The following CLGN variants were observed in gnomAD, a reference collection of about 807,000 sequenced individuals.
CLGN encodes testis tissue sperm-binding protein Li 79P.
Under a neutral mutation model 79.1 loss-of-function variants are expected in CLGN, and 62 were observed. That is an observed-to-expected ratio of 0.78 (90% CI 0.64 to 0.97). The LOEUF (loss-of-function observed/expected upper bound fraction) is 0.97, where lower values mean the gene tolerates loss of function less well. CLGN is among the 50% of genes least tolerant of loss of function. CLGN has a pLI of 0.00. For synonymous variants in CLGN, 225 were observed against 224.7 expected (o/e 1.00, Z -0.01); for missense variants, 647 against 715.5 (o/e 0.90, Z 1.09).
chr4:140,395,155 T>G (rs1216559454), intron 10 of CLGN, among the ~76,000 whole-genome samples: 1 of 90,170 alleles, frequency 1.1e-5, no homozygotes, highest in Non-Finnish European at 3.0e-5. Flanking sequence ...TTTTTTGTTT[T>G]TTTGTTTTTT....
chr4:140,418,958 G>A (rs943716920), intron 1 of CLGN, among the ~76,000 whole-genome samples: 7 of 152,144 alleles, frequency 4.6e-5, no homozygotes, highest in Admixed American at 6.5e-5. Flanking sequence ...CAACCCAAAT[G>A]TCCAACAATG....
rs1167371823 is a variant in CLGN, at chr4:140,392,354, T to A, written c.1516A>T (p.Lys506Ter). The A allele has an allele frequency of 1.9e-6, 3 of 1,606,080 alleles. No homozygotes were observed. Among genetic ancestry groups the A allele is most frequent in the Non-Finnish European group, 2.5e-6 (3 of 1,177,448 alleles). Residue 506 changes from lysine (K) to a stop codon, truncating the protein, a stop_gained, in exon 13 of 15, where the codon AAA (lysine) becomes TAA (stop). Transcript: ENST00000325617. LOFTEE classifies it high-confidence loss of function. ...TGTGGTATACATATGTCGGTTTTTT[T>A]ATACTCTGTATCTTTATGTTTTTTC... ...VKKKHKDTEY[K>*]KTDICIPQTK... is the part of the protein sequence containing the mutation.
intron 4 of CLGN, among the ~76,000 whole-genome samples, chr4:140,409,009 G>A (rs890184306): frequency 1.4e-4 from 22 of 151,796 alleles, no homozygotes; most frequent in African/African-American, 4.8e-4. Context: ...TGCAAAGGAA[G>A]ACATGCAGGT....
At position 140,408,067 on chromosome 4, in the gene CLGN, A is replaced by G. The variant is rs1251862958; in HGVS notation, c.277+1770T>C. On this transcript the variant is annotated intron_variant, in intron 4 of 14. Coordinates refer to ENST00000325617, the MANE Select transcript of CLGN (RefSeq NM_004362.3). ...GATCTTTGACCAAGCATACAAAAAT[A>G]TAAATTAGGGAAAGGACACCCTATT... Among the ~76,000 whole-genome samples the G allele has an allele frequency of 2.6e-5, 4 of 152,156 alleles. No individual in the cohort carries two copies. In the East Asian group the frequency reaches 5.8e-4, roughly 22 times the overall value.
intron 6 of CLGN, among the ~76,000 whole-genome samples, chr4:140,401,318 C>T (rs188871384): frequency 1.3e-5 from 2 of 152,228 alleles, no homozygotes; most frequent in Admixed American, 1.3e-4. Flanking sequence ...CTCCAATGGC[C>T]TCTCCTTCAC....
intron 5 of CLGN, among the ~76,000 whole-genome samples, chr4:140,404,187 G>A (rs1226367099): frequency 6.6e-6 from 1 of 151,706 alleles, no homozygotes; most frequent in East Asian, 1.9e-4. Context: ...CCTGCCTCCC[G>A]GGTTCACGCC....
In CLGN at chr4:140,398,973, T is replaced by C; in HGVS notation, c.762A>G (p.Leu254=). 6.2e-7 allele frequency: 1 copy of C among 1,613,924 alleles called. No homozygotes were observed. Among genetic ancestry groups the C allele is most frequent in the African/African-American group, 1.3e-5 (1 of 75,038 alleles). The change falls in exon 8 of 15, where the codon CTA becomes CTG. Residue 254 remains leucine (L), a synonymous_variant. Transcript: ENST00000325617. ...GTTTGATAGGAGGAACCACATCCTC[T>C]AGGAGGCTTCCTTTGTTTACAACTG... The part of the protein sequence containing the change: ...DQTVVNKGSL[L]EDVVPPIKPP...
In CLGN at chr4:140,412,271, A is replaced by C. The variant is rs551396598; in HGVS notation, c.144+664T>G. 2.0e-5 allele frequency among the ~76,000 whole-genome samples: 3 copies of C among 152,280 alleles called. No homozygotes were observed. In the East Asian group the frequency reaches 5.8e-4, roughly 29 times the overall value. On this transcript the variant is annotated intron_variant, in intron 2 of 14. Transcript: ENST00000325617. Reference sequence around the variant, plus strand: ...TACATATTATTCCCTTCGGCCCTTCAAACAGTAGCTGGCAGAATACAATTA... The same window carrying C: ...TACATATTATTCCCTTCGGCCCTTCCAACAGTAGCTGGCAGAATACAATTA...
intron 4 of CLGN, among the ~76,000 whole-genome samples, chr4:140,407,190 G>A (rs1421663347): frequency 6.6e-6 from 1 of 151,610 alleles, no homozygotes; most frequent in Non-Finnish European, 1.5e-5. Context: ...ATATTTTTTT[G>A]AAAAAGATTA....
At chr4:140,404,095 AT>A (rs1322531069) in intron 5 of CLGN, among the ~76,000 whole-genome samples, 8 of 148,414 alleles carry the variant, frequency 5.4e-5, no homozygotes, top group East Asian at 2.0e-4. Flanking sequence ...TTATTTATTT[AT>A]TTTTTTTTTG....
In CLGN at chr4:140,418,846, T is replaced by C. The variant is rs1729400708; in HGVS notation, c.-9-5759A>G. On this transcript the variant is annotated intron_variant, in intron 1 of 14. Transcript: ENST00000325617. ...AATACCATTTGACCCAGCCATCCCA[T>C]TACTGGGTATATACCCAAAGGACTC... Among the ~76,000 whole-genome samples the C allele has an allele frequency of 3.3e-5, 5 of 152,166 alleles. No individual in the cohort carries two copies. The South Asian group carries it at 1.0e-3, about 32-fold the overall frequency.
At chr4:140,420,881 CATT>C (rs1729457075) in intron 1 of CLGN, among the ~76,000 whole-genome samples, 1 of 152,118 alleles carries the variant, frequency 6.6e-6, no homozygotes, top group African/African-American at 2.4e-5. Context: ...AAAACATTCT[CATT>C]GTTGTACAAC....
At chr4:140,422,971 T>G (rs1729499406) in intron 1 of CLGN, among the ~76,000 whole-genome samples, 1 of 152,218 alleles carries the variant, frequency 6.6e-6, no homozygotes, top group African/African-American at 2.4e-5. Context: ...TCTTTAGGGT[T>G]TTGTACATAC....
At position 140,395,909 on chromosome 4, in the gene CLGN, A is replaced by G; in HGVS notation, c.1059T>C (p.Ile353=). Residue 353 remains isoleucine (I), a synonymous_variant, in exon 10 of 15, where the codon ATT becomes ATC. Transcript: ENST00000325617. Reference sequence around the variant, plus strand: ...TGGGAGGTTTCCACTCACCACACCCAATCCGACATGCTGGATTAAGAATCT... The same window carrying G: ...TGGGAGGTTTCCACTCACCACACCCGATCCGACATGCTGGATTAAGAATCT... ...APQILNPACR[I]GCGEWKPPMI... 6.2e-7 allele frequency: 1 copy of G among 1,606,254 alleles called. No homozygotes were observed. Among genetic ancestry groups the G allele is most frequent in the Non-Finnish European group, 8.5e-7 (1 of 1,177,300 alleles).
In CLGN at chr4:140,413,047, C is replaced by G. The variant is rs1385328399; in HGVS notation, c.32G>C (p.Gly11Ala). 5 of 1,612,604 alleles carry G rather than the reference C, an allele frequency of 3.1e-6. No individual in the cohort carries two copies. The highest frequency in any genetic ancestry group is 4.2e-6 in the Non-Finnish European group (5 of 1,179,506). Residue 11 changes from glycine to alanine, a missense_variant, in exon 2 of 15, where the codon GGT becomes GCT. Gly to Ala is a moderately conservative substitution (Grantham distance 60). Transcript: ENST00000325617. The stretch of plus-strand genomic sequence containing the variant: ...TGCATTAATTGAGATGAACAGAAGA[C>G]CCAAACATAGCCAAAAGGCTTGGAA... MHFQAFWLCL[G>A]LLFISINAEF...
chr4:140,389,158 G>A lies in CLGN; in HGVS notation c.*66C>T. 1 of 1,241,106 alleles carries A rather than the reference G, an allele frequency of 8.1e-7. No individual in the cohort carries two copies. 76.9% of individuals were successfully genotyped at this position (1,241,106 alleles called of 1,614,324 possible). On this transcript the variant is annotated 3_prime_UTR_variant, in exon 15 of 15. Transcript: ENST00000325617. The stretch of plus-strand genomic sequence containing the variant: ...GATGTGCAGACTGATTAAAGTTCAG[G>A]TCTGGCATGCTGATTTTTACAATGC...
At chr4:140,409,798 C>T in intron 4 of CLGN, 39 bp downstream of exon 4, 1 of 1,350,948 alleles carries the variant, frequency 7.4e-7, no homozygotes, top group Admixed American at 2.0e-5. Context: ...GAACTCCAGG[C>T]CATACTGGTT....
chr4:140,418,703 A>G (rs938311424), intron 1 of CLGN, among the ~76,000 whole-genome samples: 1 of 151,406 alleles, frequency 6.6e-6, no homozygotes, highest in Non-Finnish European at 1.5e-5. Context: ...TCAGGAAACA[A>G]CAGGTGCTGG....
In CLGN at chr4:140,405,293, T is replaced by G. The variant is rs961472152; in HGVS notation, c.419+649A>C. On this transcript the variant is annotated intron_variant, in intron 5 of 14. Transcript: ENST00000325617. Reference sequence around the variant, plus strand: ...TCCGCCTCCCGGGTTCACGCCATTCTCCTGCCTCAGCCTCCCAAGTAGCTG... The same window carrying G: ...TCCGCCTCCCGGGTTCACGCCATTCGCCTGCCTCAGCCTCCCAAGTAGCTG... Among the ~76,000 whole-genome samples, 3 of 148,344 alleles carry G rather than the reference T, an allele frequency of 2.0e-5. No homozygotes were observed. The South Asian group carries it at 6.4e-4, about 31-fold the overall frequency.
Sources: gnomAD v4.1 joint callset for allele counts (sites outside exome capture counted in the v4.1 genomes callset) on GRCh38, gnomAD v4.1.1 for gene constraint, MANE v1.5 for transcripts, NCBI Gene and HGNC (gene_info 2026-07-23, HGNC 2026-07-21) for gene names.